Variants in GRIP1 observed in about 807,000 individuals in gnomAD.
The protein encoded by GRIP1 is glutamate receptor-interacting protein 1.
GRIP1 carries 45 observed loss-of-function variants against 129.9 expected under a neutral mutation model. That is an observed-to-expected ratio of 0.35 (90% CI 0.27 to 0.44). The LOEUF is 0.44. GRIP1 is among the 20% of genes least tolerant of loss of function. GRIP1 has a pLI of 1.00. For missense variants in GRIP1, 1,196 were observed against 1,396.8 expected (o/e 0.86, Z 2.29); for synonymous variants, 530 against 520.8 (o/e 1.02, Z -0.24).
intron 7 of GRIP1, among the ~76,000 whole-genome samples, chr12:66,479,750 C>T (rs551249580): frequency 2.6e-5 from 4 of 152,298 alleles, no homozygotes; most frequent in East Asian, 1.9e-4. Flanking sequence ...CCCTGGAATG[C>T]AAGGCTGGTT....
chr12:66,447,321 T>TTG (rs1213587754), intron 11 of GRIP1, among the ~76,000 whole-genome samples: 21 of 152,360 alleles, frequency 1.4e-4, no homozygotes, highest in African/African-American at 4.8e-4. Context: ...AACTCCACTG[T>TTG]TGTTACTAAG....
At chr12:66,765,683 G>A (rs1163510427) in intron 1 of GRIP1, among the ~76,000 whole-genome samples, 1 of 152,108 alleles carries the variant, frequency 6.6e-6, no homozygotes, top group Admixed American at 6.6e-5. Context: ...CATTGCCTTA[G>A]GGAAAACCAC....
intron 1 of GRIP1, among the ~76,000 whole-genome samples, chr12:66,996,036 A>G (rs1235435563): frequency 1.3e-5 from 2 of 152,188 alleles, no homozygotes; most frequent in Non-Finnish European, 2.9e-5. Flanking sequence ...CAAGCCAGTT[A>G]AAAAAGACCA....
chr12:66,541,068 G>A (rs1424392134), intron 3 of GRIP1, among the ~76,000 whole-genome samples: 2 of 151,992 alleles, frequency 1.3e-5, no homozygotes, highest in Admixed American at 1.3e-4. Flanking sequence ...ACCTGCCTTG[G>A]CCTCCCAATG....
intron 2 of GRIP1, among the ~76,000 whole-genome samples, chr12:66,586,719 C>T (rs2063652065): frequency 6.6e-6 from 1 of 152,166 alleles, no homozygotes; most frequent in Admixed American, 6.5e-5. Flanking sequence ...TCTCAGCCCA[C>T]ATCCAATTTG....
intron 1 of GRIP1, among the ~76,000 whole-genome samples, chr12:66,724,481 C>T (rs2036190413): frequency 6.6e-6 from 1 of 152,168 alleles, no homozygotes; most frequent in Non-Finnish European, 1.5e-5. Flanking sequence ...AAGCATACAA[C>T]ATTTCAGTGA....
rs1463429058 is a variant in GRIP1, at chr12:66,465,313, A to G, written c.834T>C (p.Ile278=). The change falls in exon 8 of 25, where the codon ATT becomes ATC. Residue 278 remains isoleucine (I), a synonymous_variant. Coordinates refer to ENST00000359742, the MANE Select transcript of GRIP1 (RefSeq NM_001366722.1). ...TTGCAGATTTGATTTTGTCTATGAC[A>G]ATGACTTGTTTGTTACAGCACATCG... ...TTSMCCNKQV[I]VIDKIKSASI... 3.1e-6 allele frequency: 5 copies of G among 1,613,900 alleles called. No individual in the cohort carries two copies. In the Admixed American group the frequency reaches 8.3e-5, roughly 27 times the overall value.
At chr12:66,377,366 C>A (rs1024247091) in intron 20 of GRIP1, 81 bp from the exon 21 acceptor site, 2 of 939,746 alleles carry the variant, frequency 2.1e-6, no homozygotes, top group African/African-American at 1.6e-5. Context: ...CTCTCTCTGT[C>A]GCCCAGGCTG....
Position 66,668,625 on chromosome 12 carries a change from A to G in GRIP1, c.55+10225T>C, listed in dbSNP as rs919018424. Among the ~76,000 whole-genome samples, 3 of 152,164 alleles carry G rather than the reference A, an allele frequency of 2.0e-5. No homozygotes were observed. The South Asian group carries it at 6.2e-4, about 32-fold the overall frequency. ...CAGCAGATGTTAGAGGATACTAAAGATCCTCAGAAAAGGCCGAGTGCAGGA... is the reference window on the plus strand; with the variant it reads ...CAGCAGATGTTAGAGGATACTAAAGGTCCTCAGAAAAGGCCGAGTGCAGGA... On this transcript the variant is annotated intron_variant, in intron 1 of 24. Coordinates refer to ENST00000359742, the MANE Select transcript of GRIP1 (RefSeq NM_001366722.1).
chr12:66,485,616 T>C (rs1210562913), intron 7 of GRIP1, among the ~76,000 whole-genome samples: 2 of 152,000 alleles, frequency 1.3e-5, no homozygotes, highest in Admixed American at 6.6e-5. Flanking sequence ...ATATGTTATG[T>C]TTAAGAAATC....
intron 2 of GRIP1, among the ~76,000 whole-genome samples, chr12:66,572,179 G>A (rs1456814854): frequency 6.6e-6 from 1 of 152,112 alleles, no homozygotes; most frequent in Admixed American, 6.5e-5. Context: ...ACTGGGGAGT[G>A]AATCAAACAG....
At chr12:66,447,589 T>C (rs189102681) in intron 11 of GRIP1, among the ~76,000 whole-genome samples, 40 of 152,254 alleles carry the variant, frequency 2.6e-4, no homozygotes, top group African/African-American at 8.9e-4. Flanking sequence ...CCTCTTCCTT[T>C]TTTCCCCCAC....
intron 1 of GRIP1, among the ~76,000 whole-genome samples, chr12:66,622,227 T>C (rs989715315): frequency 1.3e-5 from 2 of 152,138 alleles, no homozygotes; most frequent in African/African-American, 4.8e-5. Flanking sequence ...CCTTGAGTTA[T>C]GCTACAAGTC....
chr12:66,445,793 GGT>G (rs562783810), intron 11 of GRIP1, among the ~76,000 whole-genome samples: 3 of 152,200 alleles, frequency 2.0e-5, no homozygotes, highest in South Asian at 4.1e-4. Flanking sequence ...AGGTTACATG[GGT>G]TTTAGTCCTG....
At chr12:66,958,878 A>G (rs2041882109) in intron 1 of GRIP1, among the ~76,000 whole-genome samples, 1 of 152,164 alleles carries the variant, frequency 6.6e-6, no homozygotes, top group Admixed American at 6.6e-5. Flanking sequence ...AGGGGCTTCC[A>G]GAGTCCCATC....
At chr12:66,785,335 C>CATATATATATATATATATATATAT (rs1448856691) in intron 1 of GRIP1, among the ~76,000 whole-genome samples, 14 of 27,802 alleles carry the variant, frequency 5.0e-4, no homozygotes, top group Admixed American at 1.2e-3. Flanking sequence ...TACATACATA[C>CATATATATATATATATATATATAT]ATACATACAT....
chr12:66,831,191 T>C (rs1257616121), intron 1 of GRIP1, among the ~76,000 whole-genome samples: 1 of 152,102 alleles, frequency 6.6e-6, no homozygotes, highest in African/African-American at 2.4e-5. Context: ...TCAAAAAAAG[T>C]AATATCTGAA....
At chr12:66,755,522 G>A (rs1263268349) in intron 1 of GRIP1, among the ~76,000 whole-genome samples, 1 of 152,240 alleles carries the variant, frequency 6.6e-6, no homozygotes, top group Admixed American at 6.5e-5. Context: ...GTGTGTATCA[G>A]ACAAAAGTCT....
intron 7 of GRIP1, among the ~76,000 whole-genome samples, chr12:66,487,387 T>C (rs1264234494): frequency 1.3e-5 from 2 of 152,122 alleles, no homozygotes; most frequent in Admixed American, 1.3e-4. Context: ...CTAGGCTTCA[T>C]AAGCAAAGGA....
Sources: allele counts gnomAD v4.1 joint callset (sites outside exome capture counted in the v4.1 genomes callset), GRCh38; gene constraint gnomAD v4.1.1; transcripts MANE v1.5; gene names NCBI Gene and HGNC (gene_info 2026-07-23, HGNC 2026-07-21).